The following UBE2H variants were observed in gnomAD, a reference collection of about 807,000 sequenced individuals.
UBE2H encodes ubiquitin conjugating enzyme E2 H.
A neutral mutation model predicts 29.0 loss-of-function variants in UBE2H; 3 were observed. The ratio of observed to expected loss-of-function variants is 0.10; its 90% CI spans 0.05 to 0.27. UBE2H has a LOEUF of 0.27. Ranked by LOEUF, UBE2H falls within the 10% of genes least tolerant of loss-of-function variation. The probability of loss-of-function intolerance (pLI) is 1.00; values close to 1 mark genes in which losing one functional copy is unlikely to be tolerated. For synonymous variants in UBE2H, 69 were observed against 82.9 expected, an observed-to-expected ratio of 0.83 and a Z score of 0.91; for missense variants, 68 against 228.2, an observed-to-expected ratio of 0.30 and a Z score of 4.52.
At chr7:129,933,873 C>G (rs1219911544) in intron 1 of UBE2H, among the ~76,000 whole-genome samples, 3 of 152,160 alleles carry the variant, frequency 2.0e-5, no homozygotes, top group Non-Finnish European at 2.9e-5. Flanking sequence ...TAGTTAGCCC[C>G]AGATCCACTG....
chr7:129,919,879 T>C (rs561163491), intron 1 of UBE2H, among the ~76,000 whole-genome samples: 4 of 152,338 alleles, frequency 2.6e-5, no homozygotes, highest in East Asian at 3.8e-4. Context: ...ATCCATCAGA[T>C]AGGCAAAATG....
intron 4 of UBE2H, 147 bp downstream of exon 4, chr7:129,858,755 T>A: frequency 1.4e-6 from 1 of 710,762 alleles, no homozygotes; most frequent in Non-Finnish European, 2.3e-6. Flanking sequence ...CCTCATATCC[T>A]TTGGATTCTA....
At chr7:129,944,715 A>AAC (rs57825154) in intron 1 of UBE2H, among the ~76,000 whole-genome samples, 20,856 of 143,690 alleles carry the variant, frequency 0.15, 1,483 homozygotes, top group Admixed American at 0.17. Flanking sequence ...ATGCGCTCAA[A>AAC]ACACACACAC....
rs1491505842 is a variant in UBE2H at position 129,944,762 on chromosome 7, ACG to A, written c.53+7739_53+7740del. On this transcript the variant is annotated intron_variant, in intron 1 of 6. Transcript: ENST00000355621. ...CACACACACACACACGCACGCACGC[ACG>A]CGCATGCGCAAACCCTACCACATGA... Among the ~76,000 whole-genome samples the A allele has an allele frequency of 2.0e-4, 30 of 150,712 alleles. 1 individual carries two copies. In the South Asian group the frequency reaches 3.6e-3, roughly 18 times the overall value.
Position 129,834,787 on chromosome 7 carries a change from G to A in UBE2H, c.*150C>T, listed in dbSNP as rs1263778876. ...ATGACCAAGAAATCAAGATCTAAAG[G>A]GTGATATATAATATATATATATCAA... On this transcript the variant is annotated 3_prime_UTR_variant, in exon 7 of 7. Transcript: ENST00000355621. The A allele has an allele frequency of 2.3e-6, 2 of 870,538 alleles. No homozygotes were observed. The highest frequency in any genetic ancestry group is 6.1e-5 in the Admixed American group (2 of 32,976). The allele number at this position is 870,538 out of a possible 1,614,324, so 53.9% of individuals were successfully genotyped here.
At chr7:129,862,811 G>C (rs762363908) in intron 3 of UBE2H, among the ~76,000 whole-genome samples, 1 of 151,954 alleles carries the variant, frequency 6.6e-6, no homozygotes, top group Non-Finnish European at 1.5e-5. Flanking sequence ...CAAGGGAGAT[G>C]GGGGGGCCAC....
rs954178376 is a variant in UBE2H, at chr7:129,944,624, G to A, written c.53+7879C>T. On this transcript the variant is annotated intron_variant, in intron 1 of 6. Transcript: ENST00000355621. ...TAAAATTAGCCAGGCAAGTGGCCAC[G>A]ACTGCAGTGAGCTGAGATCACACCA... 4.8e-4 allele frequency among the ~76,000 whole-genome samples: 73 copies of A among 151,768 alleles called. 1 individual carries two copies. The highest frequency in any genetic ancestry group is 1.6e-3 in the African/African-American group (66 of 41,328).
intron 5 of UBE2H, among the ~76,000 whole-genome samples, chr7:129,853,281 C>T (rs1805643365): frequency 6.6e-6 from 1 of 152,066 alleles, no homozygotes; most frequent in South Asian, 2.1e-4. Flanking sequence ...TAAAAAGCTA[C>T]CTGTGGCTTA....
intron 5 of UBE2H, among the ~76,000 whole-genome samples, chr7:129,849,130 C>T (rs1197097732): frequency 1.3e-5 from 2 of 148,718 alleles, no homozygotes; most frequent in African/African-American, 2.5e-5. Flanking sequence ...ACACTGCACA[C>T]AACTAAGCAG....
intron 1 of UBE2H, among the ~76,000 whole-genome samples, chr7:129,882,317 T>C (rs1161665574): frequency 1.3e-5 from 2 of 152,190 alleles, no homozygotes; most frequent in African/African-American, 4.8e-5. Flanking sequence ...GAAAACACAA[T>C]AGATTGGTCT....
intron 5 of UBE2H, among the ~76,000 whole-genome samples, chr7:129,854,171 A>G (rs1384968503): frequency 6.6e-6 from 1 of 151,466 alleles, no homozygotes; most frequent in Non-Finnish European, 1.5e-5. Flanking sequence ...GAACTCACCA[A>G]TTATGAACTA....
intron 1 of UBE2H, among the ~76,000 whole-genome samples, chr7:129,913,196 G>A (rs1382241737): frequency 1.3e-5 from 2 of 148,672 alleles, no homozygotes; most frequent in African/African-American, 5.0e-5. Flanking sequence ...AGGCTGCAGT[G>A]AGCCGAGATC....
chr7:129,935,891 A>C (rs1807518390), intron 1 of UBE2H, among the ~76,000 whole-genome samples: 1 of 152,194 alleles, frequency 6.6e-6, no homozygotes, highest in South Asian at 2.1e-4. Flanking sequence ...ACAGTCAAGC[A>C]TTAATGAAGT....
At chr7:129,919,508 T>C (rs1471596056) in intron 1 of UBE2H, among the ~76,000 whole-genome samples, 4 of 152,148 alleles carry the variant, frequency 2.6e-5, no homozygotes, top group Admixed American at 2.6e-4. Context: ...ATTAAGTTTC[T>C]TGAATAATGT....
intron 1 of UBE2H, among the ~76,000 whole-genome samples, chr7:129,928,468 T>C (rs1308488281): frequency 2.0e-5 from 3 of 152,110 alleles, no homozygotes; most frequent in South Asian, 4.1e-4. Flanking sequence ...CCGGGTGTGG[T>C]GGCACACACC....
At chr7:129,840,231 G>A (rs184230176) in intron 5 of UBE2H, among the ~76,000 whole-genome samples, 66 of 152,110 alleles carry the variant, frequency 4.3e-4, no homozygotes, top group Admixed American at 2.1e-3. Flanking sequence ...TGTTGCCCAA[G>A]TTGGAGTGCA....
chr7:129,904,585 C>T (rs542310439), intron 1 of UBE2H, among the ~76,000 whole-genome samples: 61 of 152,292 alleles, frequency 4.0e-4, no homozygotes, highest in Non-Finnish European at 6.2e-4. Flanking sequence ...TCACCTCGAA[C>T]GAAATTCGAC....
chr7:129,904,472 G>C (rs1806777435), intron 1 of UBE2H, among the ~76,000 whole-genome samples: 1 of 152,136 alleles, frequency 6.6e-6, no homozygotes, highest in Non-Finnish European at 1.5e-5. Flanking sequence ...ATCACCTGAA[G>C]TACATGCCCA....
At chr7:129,872,708 T>C (rs531978795) in intron 3 of UBE2H, among the ~76,000 whole-genome samples, 1 of 151,948 alleles carries the variant, frequency 6.6e-6, no homozygotes, top group East Asian at 2.0e-4. Context: ...CAGGGCATGA[T>C]GGAGCATGCC....
Sources: allele counts gnomAD v4.1 joint callset (sites outside exome capture counted in the v4.1 genomes callset), GRCh38; gene constraint gnomAD v4.1.1; transcripts MANE v1.5; gene names NCBI Gene and HGNC (gene_info 2026-07-23, HGNC 2026-07-21).